PDLIM2: variants seen among roughly 807,000 people sequenced by gnomAD.
PDLIM2 encodes the protein PDZ and LIM domain 2.
In PDLIM2, 51 loss-of-function variants were observed where a neutral mutation model predicts 54.1. The ratio of observed to expected loss-of-function variants is 0.94; its 90% CI spans 0.75 to 1.19. The LOEUF (loss-of-function observed/expected upper bound fraction) is 1.19. PDLIM2 is among the 50% of genes most tolerant of loss of function. The pLI, the probability that PDLIM2 is intolerant of heterozygous loss-of-function variation, is 0.00. For synonymous variants in PDLIM2, 398 were observed against 385.6 expected (o/e 1.03, Z -0.38); for missense variants, 912 against 874.0 (o/e 1.04, Z -0.55).
intron 3 of PDLIM2, among the ~76,000 whole-genome samples, chr8:22,583,908 C>G (rs1243831875): frequency 1.4e-5 from 2 of 139,402 alleles, no homozygotes; most frequent in African/African-American, 5.3e-5. Flanking sequence ...TGAGGACTCT[C>G]TAATAAAACT....
exon 1 of PDLIM2, chr8:22,579,043 G>T: frequency 8.1e-7 from 1 of 1,240,488 alleles, no homozygotes; most frequent in Non-Finnish European, 1.0e-6. Flanking sequence ...CGGAGGCGGC[G>T]GCTTCTCGGG....
chr8:22,583,198 G>A (rs1376143189), intron 3 of PDLIM2, among the ~76,000 whole-genome samples: 2 of 152,098 alleles, frequency 1.3e-5, no homozygotes, highest in Non-Finnish European at 2.9e-5. Context: ...TTTGGAAGAG[G>A]GTACCCAGGG....
Position 22,579,337 on chromosome 8 carries a change from G to A in PDLIM2, c.558G>A (p.Trp186Ter). 6.8e-7 allele frequency: 1 copy of A among 1,460,982 alleles called. No individual in the cohort carries two copies. The highest frequency in any genetic ancestry group is 9.0e-7 in the Non-Finnish European group (1 of 1,113,674). 90.5% of individuals were successfully genotyped at this position (1,460,982 alleles called of 1,614,324 possible). A position where few individuals can be genotyped will look rare whatever the true frequency, so the allele number is the denominator to read the frequency against. Residue 186 changes from tryptophan (W) to a stop codon, truncating the protein, a stop_gained, in exon 1 of 10, where the codon TGG (tryptophan) becomes TGA (stop). Coordinates refer to ENST00000308354, the Ensembl canonical transcript of PDLIM2. LOFTEE classifies it high-confidence loss of function. The stretch of plus-strand genomic sequence containing the variant: ...GCCTCGTCCGCGGCCCAGCTCCCTG[G>A]AGCCTCGCATCAGCGGGGGCGCCCC...
exon 10 of PDLIM2, chr8:22,593,907 C>T (rs1455300878): frequency 2.6e-6 from 4 of 1,544,184 alleles, no homozygotes; most frequent in South Asian, 2.4e-5. Context: ...GCTCTCGGGC[C>T]TGAGCCCGCC....
intron 3 of PDLIM2, among the ~76,000 whole-genome samples, chr8:22,582,045 C>T (rs1800219216): frequency 6.6e-6 from 1 of 152,222 alleles, no homozygotes; most frequent in Admixed American, 6.5e-5. Context: ...TGGGTTACTC[C>T]TAGGGTTTTG....
At position 22,585,377 on chromosome 8, in the gene PDLIM2, C is replaced by G; in HGVS notation, c.1268C>G (p.Ser423Ter). The stretch of plus-strand genomic sequence containing the variant: ...CCCGCTGCTGACCGCCTGTCCTACT[C>G]AGGCCGCCCTGGAAGCCGACAGGTG... Residue 423 changes from serine to a stop codon, truncating the protein, a stop_gained, in exon 6 of 10, where the codon TCA (serine) becomes TGA (stop). Transcript: ENST00000308354. LOFTEE classifies it high-confidence loss of function. 1 of 1,611,868 alleles carries G rather than the reference C, an allele frequency of 6.2e-7. No individual in the cohort carries two copies. Among genetic ancestry groups the G allele is most frequent in the Non-Finnish European group, 8.5e-7 (1 of 1,179,464 alleles).
chr8:22,594,655 C>A (rs373141137), downstream of PDLIM2: 63 of 1,608,448 alleles, frequency 3.9e-5, no homozygotes, highest in Non-Finnish European at 5.1e-5. Context: ...GGTGAGACAA[C>A]CTCTGATCCT....
At chr8:22,594,786 A>T, downstream of PDLIM2, 1 of 1,339,330 alleles carries the variant, frequency 7.5e-7, no homozygotes. Context: ...GGGGGGAAAA[A>T]GGGCAGGGTG....
intron 9 of PDLIM2, chr8:22,592,578 G>A (rs1174976087): frequency 6.6e-6 from 1 of 152,212 alleles, no homozygotes; most frequent in Admixed American, 6.5e-5. Flanking sequence ...CAGTCCCCCT[G>A]CTGTGCAGAG....
rs1447058444 is a variant in PDLIM2, at chr8:22,581,584, A to G, written c.995+54A>G. On this transcript the variant is annotated intron_variant, in intron 3 of 9. Transcript: ENST00000308354. ...GGCATTCCCCCTCCTCCACCACCCC[A>G]CGTATTGAGCAGCCCTTGCTCCTGC... The G allele has an allele frequency of 6.6e-6, 10 of 1,519,656 alleles. No individual in the cohort carries two copies. The Middle Eastern group carries it at 9.2e-4, about 141-fold the overall frequency. 94.1% of individuals were successfully genotyped at this position (1,519,656 alleles called of 1,614,324 possible).
At chr8:22,587,708 T>G (rs1318780903) in intron 6 of PDLIM2, 9 of 152,262 alleles carry the variant, frequency 5.9e-5, no homozygotes, top group Admixed American at 5.9e-4. Context: ...AGACATTGTC[T>G]CTCCCAGTCG....
intron 9 of PDLIM2, chr8:22,591,906 CT>C: frequency 2.3e-6 from 1 of 434,554 alleles, no homozygotes; most frequent in Non-Finnish European, 4.1e-6. Context: ...TTTCCCATCC[CT>C]TTTGATTTCT....
intron 3 of PDLIM2, among the ~76,000 whole-genome samples, chr8:22,583,361 G>C (rs1469141393): frequency 6.6e-6 from 1 of 152,180 alleles, no homozygotes; most frequent in East Asian, 1.9e-4. Flanking sequence ...CCAGTGGGCA[G>C]GGTGCACAGC....
downstream of PDLIM2, chr8:22,594,644 T>C (rs1339407257): frequency 6.2e-7 from 1 of 1,612,826 alleles, no homozygotes; most frequent in Non-Finnish European, 8.5e-7. Context: ...CCAGCCAAGC[T>C]GGTGAGACAA....
intron 9 of PDLIM2, chr8:22,592,400 C>T (rs1168561512): frequency 6.6e-6 from 1 of 152,132 alleles, no homozygotes; most frequent in Non-Finnish European, 1.5e-5. Flanking sequence ...TCATTTTTCT[C>T]ATTAAGTGGC....
intron 8 of PDLIM2, 162 bp downstream of exon 7, chr8:22,589,903 A>C: frequency 9.7e-7 from 1 of 1,028,540 alleles, no homozygotes; most frequent in Non-Finnish European, 1.4e-6. Context: ...CCCTGCCCAT[A>C]AGGAGCTGAC....
At chr8:22,589,831 G>C in intron 8 of PDLIM2, 90 bp downstream of exon 7, 2 of 1,505,468 alleles carry the variant, frequency 1.3e-6, no homozygotes, top group African/African-American at 1.4e-5. Flanking sequence ...GTGTTCTTAA[G>C]TGCCTGTGAG....
chr8:22,585,481 G>A (rs931823281), intron 6 of PDLIM2, 82 bp downstream of exon 5: 3 of 1,380,846 alleles, frequency 2.2e-6, no homozygotes, highest in East Asian at 2.5e-5. Flanking sequence ...CGGGACTGCA[G>A]GCGGCCAGGC....
At chr8:22,593,587 A>T in intron 9 of PDLIM2, 146 bp from the exon 9 acceptor site, 1 of 561,280 alleles carries the variant, frequency 1.8e-6, no homozygotes. Flanking sequence ...CAAAAAAAAA[A>T]AAAAAAAAAA....
Sources: gnomAD v4.1 joint callset for allele counts (sites outside exome capture counted in the v4.1 genomes callset) on GRCh38, gnomAD v4.1.1 for gene constraint, MANE v1.5 for transcripts, NCBI Gene and HGNC (gene_info 2026-07-23, HGNC 2026-07-21) for gene names.